Variants in CAPN9 observed in about 807,000 individuals in gnomAD.
The protein encoded by CAPN9 is calpain-9.
CAPN9 carries 81 observed loss-of-function variants against 92.8 expected under a neutral mutation model. The observed-to-expected ratio is 0.87, with a 90% CI of 0.73 to 1.05. CAPN9 has a LOEUF of 1.05. Among genes scored for constraint, CAPN9 ranks in the 50% least tolerant of loss-of-function variants. CAPN9 has a pLI of 0.00. For missense variants in CAPN9, 848 were observed against 866.2 expected (o/e 0.98, Z 0.26); for synonymous variants, 304 against 328.0 (o/e 0.93, Z 0.79).
Position 230,801,704 on chromosome 1 carries a change from C to G in CAPN9, c.*108C>G. On this transcript the variant is annotated 3_prime_UTR_variant, in exon 20 of 20. Coordinates refer to ENST00000271971, the MANE Select transcript of CAPN9 (RefSeq NM_006615.3). Reference sequence around the variant, plus strand: ...CATTACGCCCAGGGTTCACTCCCCTCTCATCGTCCGGCCTTCTCCCTTCAT... The same window carrying G: ...CATTACGCCCAGGGTTCACTCCCCTGTCATCGTCCGGCCTTCTCCCTTCAT... 1 of 977,388 alleles carries G rather than the reference C, an allele frequency of 1.0e-6. No homozygotes were observed. The highest frequency in any genetic ancestry group is 1.3e-5 in the South Asian group (1 of 77,840). 60.5% of individuals were successfully genotyped at this position (977,388 alleles called of 1,614,324 possible). A position where few individuals can be genotyped will look rare whatever the true frequency, so the allele number is the denominator to read the frequency against.
chr1:230,765,298 G>A (rs1665914955), intron 4 of CAPN9, among the ~76,000 whole-genome samples: 1 of 146,922 alleles, frequency 6.8e-6, no homozygotes, highest in African/African-American at 2.6e-5. Context: ...GCATACTGAA[G>A]GAGCTCCAAA....
At chr1:230,751,562 GA>G (rs1664773052) in intron 1 of CAPN9, among the ~76,000 whole-genome samples, 1 of 136,196 alleles carries the variant, frequency 7.3e-6, no homozygotes, top group Non-Finnish European at 1.5e-5. Context: ...AGGAAGAAGA[GA>G]AAGAAAGAAA....
intron 6 of CAPN9, among the ~76,000 whole-genome samples, chr1:230,771,661 G>A (rs1666393937): frequency 6.6e-6 from 1 of 152,190 alleles, no homozygotes; most frequent in African/African-American, 2.4e-5. Context: ...CCTAAGACTT[G>A]GCTCCTGCCT....
At chr1:230,795,626 T>TC (rs1668303634) in intron 18 of CAPN9, 1 of 223,764 alleles carries the variant, frequency 4.5e-6, no homozygotes, top group South Asian at 6.4e-5. Flanking sequence ...TCCCCCTTCC[T>TC]CCCCCCTTCC....
At chr1:230,794,024 G>A (rs932970883) in intron 17 of CAPN9, among the ~76,000 whole-genome samples, 1 of 152,184 alleles carries the variant, frequency 6.6e-6, no homozygotes, top group Non-Finnish European at 1.5e-5. Context: ...AGGCTCCAGG[G>A]ACTCTGTGCT....
intron 2 of CAPN9, among the ~76,000 whole-genome samples, chr1:230,759,113 C>T (rs1245875944): frequency 6.6e-6 from 1 of 152,146 alleles, no homozygotes; most frequent in Non-Finnish European, 1.5e-5. Context: ...TTCTAACCAC[C>T]CTCCCAAGTA....
chr1:230,776,225 A>G (rs966295961), intron 8 of CAPN9: 1 of 152,148 alleles, frequency 6.6e-6, no homozygotes, highest in Non-Finnish European at 1.5e-5. Context: ...CACATGGTAG[A>G]AAGAGGGCAA....
At chr1:230,768,850 C>G (rs1666189273) in intron 5 of CAPN9, among the ~76,000 whole-genome samples, 1 of 152,158 alleles carries the variant, frequency 6.6e-6, no homozygotes, top group Admixed American at 6.6e-5. Context: ...TTCTTTTCGT[C>G]TCTGGGATGT....
intron 11 of CAPN9, among the ~76,000 whole-genome samples, 159 bp from the exon 12 acceptor site, chr1:230,785,822 C>T (rs1667542821): frequency 1.3e-5 from 2 of 152,116 alleles, no homozygotes; most frequent in African/African-American, 4.8e-5. Flanking sequence ...GTGGGGGTGT[C>T]AATGCATGGG....
intron 14 of CAPN9, chr1:230,790,452 A>C (rs1667903559): frequency 3.8e-6 from 1 of 260,374 alleles, no homozygotes; most frequent in African/African-American, 2.3e-5. Flanking sequence ...AACCACTCTT[A>C]ACATATGTGT....
chr1:230,751,623 G>T (rs562043340), intron 1 of CAPN9, among the ~76,000 whole-genome samples: 1 of 65,352 alleles, frequency 1.5e-5, no homozygotes, highest in African/African-American at 8.2e-5. Context: ...AAGAAAGAAA[G>T]AAAGAAAGAA....
At chr1:230,748,190 G>T (rs2102817416) in intron 1 of CAPN9, among the ~76,000 whole-genome samples, 1 of 152,312 alleles carries the variant, frequency 6.6e-6, no homozygotes, top group Non-Finnish European at 1.5e-5. Flanking sequence ...AGGGAAGCAG[G>T]AATCTTCTCC....
chr1:230,757,333 C>T (rs542898591), intron 2 of CAPN9, among the ~76,000 whole-genome samples: 7 of 152,164 alleles, frequency 4.6e-5, no homozygotes, highest in African/African-American at 9.7e-5. Flanking sequence ...CCCTTCCCCT[C>T]GACCCCGTAG....
chr1:230,785,963 G>A lies in CAPN9; in HGVS notation c.1482-18G>A, dbSNP rs1667552806. ...AGTTAATCCACAATTGAGGCAGTGT[G>A]TTTTTCTGCCCCTACAGGGATATGG... is the stretch of plus-strand genomic sequence containing the variant. On this transcript the variant is annotated intron_variant, in intron 11 of 19. Coordinates refer to ENST00000271971, the MANE Select transcript of CAPN9 (RefSeq NM_006615.3). 3 of 1,612,770 alleles carry A rather than the reference G, an allele frequency of 1.9e-6. No homozygotes were observed. The highest frequency in any genetic ancestry group is 2.2e-5 in the East Asian group (1 of 44,880).
At chr1:230,752,623 A>G in intron 1 of CAPN9, 1 of 960,214 alleles carries the variant, frequency 1.0e-6, no homozygotes, top group Non-Finnish European at 1.2e-6. Flanking sequence ...GATGGGAAGG[A>G]GGCGGGCATC....
intron 5 of CAPN9, among the ~76,000 whole-genome samples, chr1:230,768,967 C>T (rs1380261658): frequency 2.0e-5 from 3 of 152,214 alleles, no homozygotes; most frequent in South Asian, 2.1e-4. Flanking sequence ...TGGAAGCGAG[C>T]GCCTCCCCAT....
At chr1:230,776,836 G>T (rs1368870281) in intron 8 of CAPN9, 1 of 152,194 alleles carries the variant, frequency 6.6e-6, no homozygotes, top group Admixed American at 6.5e-5. Flanking sequence ...AGAAGTAAAT[G>T]CGTCACGGCT....
chr1:230,747,612 G>T lies in CAPN9; in HGVS notation c.116G>T (p.Arg39Ile). Residue 39 changes from arginine to isoleucine, a missense_variant, in exon 1 of 20, where the codon AGA becomes ATA. By Grantham distance (97) the Arg-to-Ile change is moderately conservative. Coordinates refer to ENST00000271971, the MANE Select transcript of CAPN9 (RefSeq NM_006615.3). ...CAAATGAGGCAGGAGTGCCTGCAGA[G>T]AGGCACCCTGTTTGAGGATGCAGAC... ...FEQMRQECLQRGTLFEDADFP... is the reference protein window; with the variant it reads ...FEQMRQECLQIGTLFEDADFP... 3 of 1,614,060 alleles carry T rather than the reference G, an allele frequency of 1.9e-6. No individual in the cohort carries two copies. The South Asian group carries it at 3.3e-5, about 18-fold the overall frequency.
chr1:230,750,642 G>A (rs1664704947), intron 1 of CAPN9, among the ~76,000 whole-genome samples: 1 of 152,158 alleles, frequency 6.6e-6, no homozygotes, highest in Non-Finnish European at 1.5e-5. Context: ...AGCATTACAC[G>A]GTGCACATCT....
Sources: gnomAD v4.1 joint callset for allele counts (sites outside exome capture counted in the v4.1 genomes callset) on GRCh38, gnomAD v4.1.1 for gene constraint, MANE v1.5 for transcripts, NCBI Gene and HGNC (gene_info 2026-07-23, HGNC 2026-07-21) for gene names.